RNGTT: variants seen among roughly 807,000 people sequenced by gnomAD.
The protein encoded by RNGTT is mRNA-capping enzyme.
RNGTT carries 33 observed loss-of-function variants against 79.3 expected under a neutral mutation model. That is an observed-to-expected ratio of 0.42 (90% CI 0.32 to 0.56). The LOEUF is 0.56. RNGTT is among the 20% of genes least tolerant of loss of function. The pLI is 0.17. For missense variants in RNGTT, 497 were observed against 739.1 expected, an observed-to-expected ratio of 0.67 and a Z score of 3.80; for synonymous variants, 222 against 235.9, an observed-to-expected ratio of 0.94 and a Z score of 0.54.
chr6:88,884,707 T>C (rs1582581543), intron 8 of RNGTT, among the ~76,000 whole-genome samples: 1 of 151,350 alleles, frequency 6.6e-6, no homozygotes, highest in Admixed American at 6.6e-5. Flanking sequence ...ATGAAACTAA[T>C]TGTATTACAA....
intron 12 of RNGTT, among the ~76,000 whole-genome samples, chr6:88,797,948 A>C (rs1384107649): frequency 3.3e-5 from 5 of 149,828 alleles, no homozygotes; most frequent in Admixed American, 3.3e-4. Context: ...AGCCAAAAAA[A>C]AAAAAAAAAA....
At chr6:88,881,118 TTAAA>T (rs1782683077) in intron 8 of RNGTT, among the ~76,000 whole-genome samples, 1 of 152,186 alleles carries the variant, frequency 6.6e-6, no homozygotes, top group South Asian at 2.1e-4. Context: ...AAGAAAAAAG[TTAAA>T]TGTATTTTAG....
chr6:88,765,318 T>C (rs937684475), intron 13 of RNGTT, among the ~76,000 whole-genome samples: 1 of 152,180 alleles, frequency 6.6e-6, no homozygotes, highest in African/African-American at 2.4e-5. Context: ...TTTTTTCCAC[T>C]TGATAATACA....
chr6:88,897,206 T>C (rs1442129368), intron 6 of RNGTT, among the ~76,000 whole-genome samples: 1 of 152,172 alleles, frequency 6.6e-6, no homozygotes, highest in African/African-American at 2.4e-5. Context: ...ATTTTTCCTC[T>C]GACAGCCTCA....
At chr6:88,622,519 AC>A in intron 14 of RNGTT, among the ~76,000 whole-genome samples, 1 of 152,140 alleles carries the variant, frequency 6.6e-6, no homozygotes, top group Non-Finnish European at 1.5e-5. Flanking sequence ...ATTGTCTTAC[AC>A]ATTTAAATTC....
intron 12 of RNGTT, among the ~76,000 whole-genome samples, chr6:88,781,480 C>A (rs57494428): frequency 0.14 from 20,897 of 150,884 alleles, 1,611 homozygotes; most frequent in Middle Eastern, 0.23. Flanking sequence ...TTTAGAAATC[C>A]TAGACAGTAA....
At chr6:88,708,309 C>T (rs562455247) in intron 13 of RNGTT, among the ~76,000 whole-genome samples, 110 of 152,264 alleles carry the variant, frequency 7.2e-4, no homozygotes, top group Non-Finnish European at 1.3e-3. Flanking sequence ...AGGGCTTCTG[C>T]AGCCAGCTTA....
At chr6:88,724,301 G>A (rs993182876) in intron 13 of RNGTT, among the ~76,000 whole-genome samples, 7 of 152,116 alleles carry the variant, frequency 4.6e-5, no homozygotes, top group African/African-American at 1.7e-4. Context: ...TGATACAGGT[G>A]TACCATTTTA....
intron 2 of RNGTT, among the ~76,000 whole-genome samples, chr6:88,930,461 C>T (rs995258667): frequency 6.6e-6 from 1 of 151,696 alleles, no homozygotes; most frequent in African/African-American, 2.4e-5. Flanking sequence ...CTTGAAAAAC[C>T]ATGTGTTTGG....
At chr6:88,805,370 A>T (rs1403443113) in intron 11 of RNGTT, among the ~76,000 whole-genome samples, 1 of 152,230 alleles carries the variant, frequency 6.6e-6, no homozygotes, top group East Asian at 1.9e-4. Flanking sequence ...TCAGGCTTCT[A>T]TCAGGCTTCA....
intron 13 of RNGTT, among the ~76,000 whole-genome samples, chr6:88,753,495 C>T (rs958210326): frequency 2.0e-5 from 3 of 150,926 alleles, no homozygotes; most frequent in African/African-American, 7.3e-5. Context: ...CAGAGTGAGA[C>T]CCCTGTCTCA....
At chr6:88,778,561 C>G (rs9362559) in intron 12 of RNGTT, among the ~76,000 whole-genome samples, 1 of 152,090 alleles carries the variant, frequency 6.6e-6, no homozygotes. Context: ...GGTGCAGTCA[C>G]AGCACTGCAG....
chr6:88,873,398 A>G (rs1336281846), intron 8 of RNGTT, among the ~76,000 whole-genome samples: 1 of 152,220 alleles, frequency 6.6e-6, no homozygotes, highest in East Asian at 1.9e-4. Context: ...TGTCATGAAA[A>G]GGTACAGGCA....
intron 14 of RNGTT, among the ~76,000 whole-genome samples, chr6:88,645,409 G>A (rs1439485180): frequency 2.6e-5 from 4 of 152,102 alleles, no homozygotes; most frequent in East Asian, 1.9e-4. Flanking sequence ...AATCAATATC[G>A]TGAAAATGGC....
intron 2 of RNGTT, among the ~76,000 whole-genome samples, chr6:88,929,480 C>T (rs1463760213): frequency 6.6e-6 from 1 of 152,118 alleles, no homozygotes; most frequent in African/African-American, 2.4e-5. Context: ...AATAAATTAA[C>T]TCCCAAACTA....
intron 5 of RNGTT, among the ~76,000 whole-genome samples, chr6:88,905,960 C>G (rs1351117245): frequency 6.6e-6 from 1 of 152,062 alleles, no homozygotes; most frequent in Non-Finnish European, 1.5e-5. Flanking sequence ...GCCTGGGTAA[C>G]ATATGGAGAC....
intron 6 of RNGTT, among the ~76,000 whole-genome samples, chr6:88,902,242 C>T (rs912102097): frequency 6.6e-6 from 1 of 151,688 alleles, no homozygotes; most frequent in South Asian, 2.1e-4. Context: ...TTAAGATACA[C>T]ATAGAATTAA....
In RNGTT at chr6:88,963,331, C is replaced by T. The variant is rs569581978; in HGVS notation, c.64+15G>A. On this transcript the variant is annotated intron_variant, in intron 1 of 15. Coordinates refer to ENST00000369485, the MANE Select transcript of RNGTT (RefSeq NM_003800.5). ...TTGGAGTGTGGGGATTCGAACGCCCCCCAGTCCAGGTTACCTGCCACCGGC... is the reference window on the plus strand; with the variant it reads ...TTGGAGTGTGGGGATTCGAACGCCCTCCAGTCCAGGTTACCTGCCACCGGC... The T allele has an allele frequency of 6.2e-7, 1 of 1,612,102 alleles. No individual in the cohort carries two copies. Among genetic ancestry groups the T allele is most frequent in the Non-Finnish European group, 8.5e-7 (1 of 1,179,062 alleles).
At chr6:88,635,529 C>T (rs1171127953) in intron 14 of RNGTT, among the ~76,000 whole-genome samples, 2 of 152,024 alleles carry the variant, frequency 1.3e-5, no homozygotes, top group African/African-American at 4.8e-5. Flanking sequence ...ATCTGGCATT[C>T]TTGATTATTG....
Sources: allele counts gnomAD v4.1 joint callset (sites outside exome capture counted in the v4.1 genomes callset), GRCh38; gene constraint gnomAD v4.1.1; transcripts MANE v1.5; gene names NCBI Gene and HGNC (gene_info 2026-07-23, HGNC 2026-07-21).